Variants in OR7C1 observed in about 807,000 individuals in gnomAD.
OR7C1 encodes the protein olfactory receptor family 7 subfamily C member 1, also known as olfactory receptor 7C1.
For missense variants in OR7C1, 324 were observed against 383.3 expected (o/e 0.85, Z 1.29); for synonymous variants, 152 against 160.7 (o/e 0.95, Z 0.41).
chr19:14,811,844 A>G (rs2044692271), intron 1 of OR7C1, among the ~76,000 whole-genome samples: 1 of 152,004 alleles, frequency 6.6e-6, no homozygotes, highest in African/African-American at 2.4e-5. Context: ...TTATTATGCA[A>G]GCTGTAAATA....
At chr19:14,811,734 G>C (rs548610807) in intron 1 of OR7C1, among the ~76,000 whole-genome samples, 27 of 151,798 alleles carry the variant, frequency 1.8e-4, no homozygotes, top group Non-Finnish European at 3.8e-4. Context: ...TAATCACAGA[G>C]GACACTAAAA....
chr19:14,799,674 C>A, exon 5 of OR7C1: 1 of 1,614,016 alleles, frequency 6.2e-7, no homozygotes, highest in Non-Finnish European at 8.5e-7. Context: ...AGCAGGGAAC[C>A]CATGACACTG....
At chr19:14,814,011 A>G (rs1436826324) in intron 1 of OR7C1, among the ~76,000 whole-genome samples, 1 of 152,116 alleles carries the variant, frequency 6.6e-6, no homozygotes, top group African/African-American at 2.4e-5. Flanking sequence ...TTCACACCAT[A>G]TACAAAATTC....
chr19:14,828,066 A>G (rs183738487), intron 1 of OR7C1: 5 of 1,614,202 alleles, frequency 3.1e-6, no homozygotes, highest in Non-Finnish European at 2.5e-6. Context: ...GAAGAAGTAC[A>G]TGGGGGTGTG....
rs566231022 is a variant in OR7C1, at chr19:14,831,606, G to A, written c.-623+3468C>T. On this transcript the variant is annotated intron_variant, in intron 1 of 4. Coordinates refer to ENST00000641666, the Ensembl canonical transcript of OR7C1. ...ATTACAGGTGCCCGCCACTGTGCCCGGCTAATTTTTGTATTTTTAGTAGAG... is the reference window on the plus strand; with the variant it reads ...ATTACAGGTGCCCGCCACTGTGCCCAGCTAATTTTTGTATTTTTAGTAGAG... Among the ~76,000 whole-genome samples the A allele has an allele frequency of 3.4e-3, 518 of 151,998 alleles. 1 individual carries two copies. The highest frequency in any genetic ancestry group is 0.012 in the African/African-American group (491 of 41,494).
intron 1 of OR7C1, chr19:14,827,204 A>C: frequency 1.4e-6 from 2 of 1,391,978 alleles, no homozygotes; most frequent in Non-Finnish European, 1.9e-6. Context: ...AATAAGTATT[A>C]ATAGAAGGAG....
intron 1 of OR7C1, chr19:14,824,169 G>A (rs949833788): frequency 2.0e-5 from 3 of 152,182 alleles, no homozygotes; most frequent in African/African-American, 7.2e-5. Context: ...TCTGGGAGTT[G>A]ATGGGGCTCT....
intron 2 of OR7C1, among the ~76,000 whole-genome samples, chr19:14,809,322 G>C (rs895916685): frequency 6.6e-6 from 1 of 151,938 alleles, no homozygotes; most frequent in South Asian, 2.1e-4. Context: ...AGTTGAAATA[G>C]AGCCGAATCC....
Position 14,812,628 on chromosome 19 carries a change from T to C in OR7C1, c.-622-2635A>G, listed in dbSNP as rs539850481. 2.0e-5 allele frequency among the ~76,000 whole-genome samples: 3 copies of C among 151,750 alleles called. No homozygotes were observed. In the East Asian group the frequency reaches 5.8e-4, roughly 30 times the overall value. Reference sequence around the variant, plus strand: ...TCGGGGAGCATGGATTTTAAGACGCTAGCCTGCCGATGCTCCCAGCTGATT... The same window carrying C: ...TCGGGGAGCATGGATTTTAAGACGCCAGCCTGCCGATGCTCCCAGCTGATT... On this transcript the variant is annotated intron_variant, in intron 1 of 4. Transcript: ENST00000641666.
At chr19:14,819,014 C>T (rs761694640) in intron 1 of OR7C1, among the ~76,000 whole-genome samples, 15 of 151,956 alleles carry the variant, frequency 9.9e-5, no homozygotes, top group Non-Finnish European at 7.4e-5. Context: ...CCTATTAACT[C>T]GTCATTTAGC....
At chr19:14,808,116 A>G (rs1185599459) in intron 2 of OR7C1, among the ~76,000 whole-genome samples, 1 of 151,640 alleles carries the variant, frequency 6.6e-6, no homozygotes, top group African/African-American at 2.4e-5. Flanking sequence ...AAAAAAAACA[A>G]CAACAGATGT....
intron 1 of OR7C1, chr19:14,827,893 C>A: frequency 3.1e-6 from 5 of 1,614,072 alleles, no homozygotes; most frequent in Non-Finnish European, 4.2e-6. Flanking sequence ...TAGGCCATCA[C>A]GGACAGGAGG....
chr19:14,823,747 A>G (rs2044752087), intron 1 of OR7C1, among the ~76,000 whole-genome samples: 1 of 152,206 alleles, frequency 6.6e-6, no homozygotes, highest in African/African-American at 2.4e-5. Flanking sequence ...TTCACTTAAG[A>G]TAATGGCCTC....
chr19:14,818,561 C>G (rs1456097027), intron 1 of OR7C1, among the ~76,000 whole-genome samples: 1 of 152,148 alleles, frequency 6.6e-6, no homozygotes, highest in Non-Finnish European at 1.5e-5. Context: ...GTTCCTGTTT[C>G]TATTGCAAAC....
In OR7C1 at chr19:14,827,496, G is replaced by A. The variant is rs1006818893; in HGVS notation, c.-623+7578C>T. On this transcript the variant is annotated intron_variant, in intron 1 of 4. Transcript: ENST00000641666. ...CCCTAGGATTGCACCATAAAATAAG[G>A]AGACAACTGAGAGGTGAGATGCACA... 3 of 1,614,124 alleles carry A rather than the reference G, an allele frequency of 1.9e-6. No individual in the cohort carries two copies. The highest frequency in any genetic ancestry group is 2.5e-6 in the Non-Finnish European group (3 of 1,180,004).
intron 2 of OR7C1, among the ~76,000 whole-genome samples, chr19:14,804,466 C>T (rs577072602): frequency 6.6e-6 from 1 of 151,994 alleles, no homozygotes. Flanking sequence ...CCAGAGTCGC[C>T]ACACTATAAT....
chr19:14,824,821 C>G (rs1043191486), intron 1 of OR7C1: 10 of 152,148 alleles, frequency 6.6e-5, no homozygotes, highest in Non-Finnish European at 1.5e-4. Flanking sequence ...AGTGGCTGGA[C>G]TAATTTACAT....
chr19:14,801,389 A>G (rs1214183286), intron 2 of OR7C1, among the ~76,000 whole-genome samples: 5 of 152,204 alleles, frequency 3.3e-5, no homozygotes, highest in African/African-American at 1.2e-4. Flanking sequence ...CATATGTTAC[A>G]TTATTTTACA....
chr19:14,800,239 A>C lies in OR7C1; in HGVS notation c.-14+17T>G. On this transcript the variant is annotated intron_variant, in intron 4 of 4. Coordinates refer to ENST00000641666, the Ensembl canonical transcript of OR7C1. ...ACATTTAATTTTAAGTGAAGGAATC[A>C]ATTAACAAAAGATTGCCTTTTTCTT... The C allele has an allele frequency of 7.6e-7, 1 of 1,312,606 alleles. No individual in the cohort carries two copies. Among genetic ancestry groups the C allele is most frequent in the Non-Finnish European group, 1.0e-6 (1 of 963,056 alleles). The allele number at this position is 1,312,606 out of a possible 1,614,324, so 81.3% of individuals were successfully genotyped here.
Sources: gnomAD v4.1 joint callset for allele counts (sites outside exome capture counted in the v4.1 genomes callset) on GRCh38, gnomAD v4.1.1 for gene constraint, MANE v1.5 for transcripts, NCBI Gene and HGNC (gene_info 2026-07-23, HGNC 2026-07-21) for gene names.